Variants in PRIM2 observed in about 807,000 individuals in gnomAD.
PRIM2 encodes DNA primase subunit 2, also known as DNA primase large subunit.
Under a neutral mutation model 67.3 loss-of-function variants are expected in PRIM2, and 39 were observed. That is an observed-to-expected ratio of 0.58 (90% CI 0.45 to 0.76). The LOEUF (loss-of-function observed/expected upper bound fraction) is 0.76, where lower values mean the gene tolerates loss of function less well. Among genes scored for constraint, PRIM2 ranks in the 30% least tolerant of loss-of-function variants. PRIM2 has a pLI of 0.00. For missense variants in PRIM2, 398 were observed against 598.7 expected (o/e 0.66, Z 3.50); for synonymous variants, 143 against 198.7 (o/e 0.72, Z 2.36).
At chr6:57,541,220 G>C (rs1775142123) in intron 10 of PRIM2, among the ~76,000 whole-genome samples, 1 of 152,154 alleles carries the variant, frequency 6.6e-6, no homozygotes, top group Non-Finnish European at 1.5e-5. Flanking sequence ...ATGTAGTACA[G>C]TACTGTAAAT....
chr6:57,367,698 G>T (rs1769408199), intron 5 of PRIM2, among the ~76,000 whole-genome samples: 1 of 152,174 alleles, frequency 6.6e-6, no homozygotes, highest in Non-Finnish European at 1.5e-5. Context: ...TTACTCACAT[G>T]CTTGTGCATA....
intron 12 of PRIM2, among the ~76,000 whole-genome samples, chr6:57,612,227 G>A (rs1776679843): frequency 6.6e-6 from 1 of 152,086 alleles, no homozygotes; most frequent in Non-Finnish European, 1.5e-5. Context: ...AGTGATACCT[G>A]TAACTAATAT....
chr6:57,641,582 GAC>G (rs1242657027), intron 13 of PRIM2, among the ~76,000 whole-genome samples: 6 of 152,178 alleles, frequency 3.9e-5, no homozygotes, highest in African/African-American at 7.2e-5. Context: ...GATATGAACA[GAC>G]ACTTCGCAAA....
At chr6:57,280,292 T>C in the PRIM2 span, among the ~76,000 whole-genome samples, 1 of 152,230 alleles carries the variant, frequency 6.6e-6, no homozygotes, top group Non-Finnish European at 1.5e-5. Flanking sequence ...ATTTGGTATA[T>C]ATCTTTTTAT....
At chr6:57,624,830 A>G (rs1776918837) in intron 12 of PRIM2, among the ~76,000 whole-genome samples, 1 of 152,198 alleles carries the variant, frequency 6.6e-6, no homozygotes, top group East Asian at 1.9e-4. Context: ...AGACATGCCC[A>G]AGACTTGGCA....
chr6:57,372,510 A>T (rs1398622196), intron 5 of PRIM2, among the ~76,000 whole-genome samples: 1 of 152,188 alleles, frequency 6.6e-6, no homozygotes, highest in East Asian at 1.9e-4. Context: ...TACTAGATTG[A>T]CACAACTAAA....
the PRIM2 span, among the ~76,000 whole-genome samples, chr6:57,279,758 A>G: frequency 6.6e-6 from 1 of 152,234 alleles, no homozygotes; most frequent in South Asian, 2.1e-4. Context: ...GGAATCACAG[A>G]CAAGTGGGTG....
At chr6:57,457,250 T>G (rs1391036660) in intron 7 of PRIM2, among the ~76,000 whole-genome samples, 145,973 of 152,320 alleles carry the variant, frequency 0.96, 70,002 homozygotes, top group East Asian at 1. Context: ...CCCACTTGAG[T>G]AGGCAGTCTT....
chr6:57,255,455 G>A, the PRIM2 span, among the ~76,000 whole-genome samples: 9 of 148,398 alleles, frequency 6.1e-5, no homozygotes, highest in Admixed American at 1.4e-4. Context: ...CTGAGATCCC[G>A]CCACTGCACT....
At chr6:57,282,542 A>G in the PRIM2 span, among the ~76,000 whole-genome samples, 1 of 152,162 alleles carries the variant, frequency 6.6e-6, no homozygotes, top group African/African-American at 2.4e-5. Flanking sequence ...CACCAAATTC[A>G]TATGTTGAAT....
At chr6:57,499,856 A>G (rs1229674442) in intron 7 of PRIM2, among the ~76,000 whole-genome samples, 2 of 152,214 alleles carry the variant, frequency 1.3e-5, no homozygotes, top group Non-Finnish European at 2.9e-5. Context: ...TTATGCATAT[A>G]ATATGGGAAG....
In PRIM2 at chr6:57,318,454, T is replaced by G. The variant is rs1767547038; in HGVS notation, c.9T>G (p.Phe3Leu). ME[F>L]SGRKWRKLRL... Reference sequence around the variant, plus strand: ...CTTCTAAGGTGACCAAGATGGAGTTTTCTGGAAGAAAGTGGAGGAAGCTGA... The same window carrying G: ...CTTCTAAGGTGACCAAGATGGAGTTGTCTGGAAGAAAGTGGAGGAAGCTGA... Residue 3 changes from phenylalanine (F) to leucine (L), a missense_variant, in exon 2 of 14, where the codon TTT becomes TTG. Physicochemically the swap from Phe to Leu is conservative, Grantham distance 22 (BLOSUM62 0). Transcript: ENST00000615550. 1.2e-6 allele frequency: 2 copies of G among 1,611,910 alleles called. No homozygotes were observed. Among genetic ancestry groups the G allele is most frequent in the South Asian group, 2.2e-5 (2 of 90,372 alleles).
chr6:57,592,630 A>G lies in PRIM2; in HGVS notation c.1021-8463A>G, dbSNP rs1430558781. Among the ~76,000 whole-genome samples the G allele has an allele frequency of 2.0e-5, 3 of 152,212 alleles. No individual in the cohort carries two copies. In the East Asian group the frequency reaches 5.8e-4, roughly 30 times the overall value. ...GCCAACATGCAACATGGTCTCTACTAAAAATACAAAAACTAGCTGGGCTGG... is the reference window on the plus strand; with the variant it reads ...GCCAACATGCAACATGGTCTCTACTGAAAATACAAAAACTAGCTGGGCTGG... On this transcript the variant is annotated intron_variant, in intron 10 of 13. Transcript: ENST00000615550.
the PRIM2 span, among the ~76,000 whole-genome samples, chr6:57,232,839 T>A: frequency 1.3e-5 from 2 of 152,190 alleles, no homozygotes. Flanking sequence ...AGTTGTTGGG[T>A]GAGCACACAG....
chr6:57,339,465 G>C (rs545841573), intron 5 of PRIM2, among the ~76,000 whole-genome samples: 1 of 152,024 alleles, frequency 6.6e-6, no homozygotes, highest in Non-Finnish European at 1.5e-5. Context: ...ATACTACAAG[G>C]CTACAGTAAC....
intron 5 of PRIM2, among the ~76,000 whole-genome samples, chr6:57,379,525 A>G (rs750829555): frequency 2.0e-3 from 308 of 152,314 alleles, no homozygotes; most frequent in African/African-American, 7.1e-3. Context: ...AACCTCAATT[A>G]GGATATTTTA....
chr6:57,618,144 T>C (rs1776786859), intron 12 of PRIM2, among the ~76,000 whole-genome samples: 1 of 152,180 alleles, frequency 6.6e-6, no homozygotes, highest in African/African-American at 2.4e-5. Context: ...TTCTGTACCT[T>C]GTACTGAGCT....
At chr6:57,470,495 T>A (rs1484247783) in intron 7 of PRIM2, among the ~76,000 whole-genome samples, 1 of 114,554 alleles carries the variant, frequency 8.7e-6, no homozygotes, top group Non-Finnish European at 1.8e-5. Flanking sequence ...GAGTAATCTT[T>A]AGGCAGTCGT....
the PRIM2 span, among the ~76,000 whole-genome samples, chr6:57,261,107 C>T: frequency 2.6e-5 from 4 of 152,172 alleles, no homozygotes; most frequent in African/African-American, 7.2e-5. Context: ...GGTTGAGGCT[C>T]TCCCATGTGA....
Sources: gnomAD v4.1 joint callset for allele counts (sites outside exome capture counted in the v4.1 genomes callset) on GRCh38, gnomAD v4.1.1 for gene constraint, MANE v1.5 for transcripts, NCBI Gene and HGNC (gene_info 2026-07-23, HGNC 2026-07-21) for gene names.